The following MAEL variants were observed in gnomAD, a reference collection of about 807,000 sequenced individuals.
The protein encoded by MAEL is protein maelstrom homolog.
In MAEL, 46 loss-of-function variants were observed where a neutral mutation model predicts 62.0. The ratio of observed to expected loss-of-function variants is 0.74; its 90% confidence interval spans 0.59 to 0.95. The LOEUF (loss-of-function observed/expected upper bound fraction) is 0.95. Among genes scored for constraint, MAEL ranks in the 40% least tolerant of loss-of-function variants. The pLI is 0.00. For missense variants in MAEL, 497 were observed against 526.8 expected, an observed-to-expected ratio of 0.94 and a Z score of 0.55; for synonymous variants, 172 against 175.5, an observed-to-expected ratio of 0.98 and a Z score of 0.16.
At chr1:167,004,383 G>A (rs929456988) in intron 6 of MAEL, 79 bp downstream of exon 6, 3 of 1,352,744 alleles carry the variant, frequency 2.2e-6, no homozygotes, top group South Asian at 1.6e-5. Context: ...ATTTTTGCCT[G>A]TGTATTTTTG....
intron 5 of MAEL, among the ~76,000 whole-genome samples, chr1:166,999,440 T>C (rs1361493806): frequency 6.6e-6 from 1 of 152,244 alleles, no homozygotes; most frequent in African/African-American, 2.4e-5. Context: ...CTTAACTCTC[T>C]TCAATTCTGT....
At chr1:167,001,542 G>GC (rs747770111) in intron 5 of MAEL, among the ~76,000 whole-genome samples, 7 of 152,146 alleles carry the variant, frequency 4.6e-5, no homozygotes, top group Non-Finnish European at 8.8e-5. Context: ...TTAAAACAAT[G>GC]CTACTGCACA....
chr1:167,016,716 G>A (rs1473182013), intron 9 of MAEL, among the ~76,000 whole-genome samples: 1 of 152,096 alleles, frequency 6.6e-6, no homozygotes, highest in Admixed American at 6.6e-5. Context: ...CAATAGCCAA[G>A]ATTTGGAAGC....
rs182784586 is a variant in MAEL, at chr1:166,991,508, T to G, written c.325+31T>G. ...GTAATCCTGAAATATTTTGCTGAGATAAATTTGAGTGCCCAAAACACTATA... is the reference window on the plus strand; with the variant it reads ...GTAATCCTGAAATATTTTGCTGAGAGAAATTTGAGTGCCCAAAACACTATA... On this transcript the variant is annotated intron_variant, in intron 3 of 11. Coordinates refer to ENST00000367872, the MANE Select transcript of MAEL (RefSeq NM_032858.3). 7,809 of 1,309,514 alleles carry G rather than the reference T, an allele frequency of 6.0e-3. 33 individuals carry two copies. The highest frequency in any genetic ancestry group is 7.9e-3 in the Non-Finnish European group (7,123 of 903,596). The allele number at this position is 1,309,514 out of a possible 1,614,324, so 81.1% of individuals were successfully genotyped here.
At chr1:167,010,429 C>T (rs1006183150) in intron 8 of MAEL, among the ~76,000 whole-genome samples, 4 of 151,738 alleles carry the variant, frequency 2.6e-5, no homozygotes, top group Non-Finnish European at 2.9e-5. Flanking sequence ...TTTGATTCTC[C>T]TTTTCTGTTT....
At chr1:167,009,086 T>G (rs1238972557) in intron 8 of MAEL, among the ~76,000 whole-genome samples, 2 of 152,160 alleles carry the variant, frequency 1.3e-5, no homozygotes, top group Non-Finnish European at 2.9e-5. Context: ...TACATTTTCT[T>G]TAGGTATATT....
At chr1:167,010,072 C>T (rs567825142) in intron 8 of MAEL, among the ~76,000 whole-genome samples, 138 of 152,148 alleles carry the variant, frequency 9.1e-4, no homozygotes, top group Non-Finnish European at 1.7e-3. Context: ...AAGGGTTGGA[C>T]CAGGTGGAGG....
At chr1:167,011,273 T>A (rs1017754629) in intron 8 of MAEL, among the ~76,000 whole-genome samples, 2 of 152,220 alleles carry the variant, frequency 1.3e-5, no homozygotes, top group Non-Finnish European at 2.9e-5. Flanking sequence ...GTTTTCATTT[T>A]TCTATTTATA....
chr1:166,984,289 A>G (rs1392864708), upstream of MAEL, among the ~76,000 whole-genome samples: 3 of 152,114 alleles, frequency 2.0e-5, no homozygotes, highest in Non-Finnish European at 4.4e-5. Context: ...CATCACCCAC[A>G]TGGACTCCTG....
chr1:167,007,958 A>G (rs931498055), intron 8 of MAEL, among the ~76,000 whole-genome samples: 8 of 151,974 alleles, frequency 5.3e-5, no homozygotes, highest in Admixed American at 6.6e-5. Flanking sequence ...TTAATAGTTA[A>G]GTTCGTTTGC....
In MAEL at chr1:166,992,679, T is replaced by A; in HGVS notation, c.326-7T>A. On this transcript the variant is annotated splice_polypyrimidine_tract_variant and splice_region_variant and intron_variant, in intron 3 of 11. Transcript: ENST00000367872. Reference sequence around the variant, plus strand: ...TTTATTCATTTTATCTTACAATTTTTTTTTAGCTCTCCTTGGAGGCATTTT... The same window carrying A: ...TTTATTCATTTTATCTTACAATTTTATTTTAGCTCTCCTTGGAGGCATTTT... 6.4e-7 allele frequency: 1 copy of A among 1,567,536 alleles called. No homozygotes were observed. The highest frequency in any genetic ancestry group is 8.6e-7 in the Non-Finnish European group (1 of 1,165,360).
At chr1:167,008,140 T>A (rs1199549624) in intron 8 of MAEL, among the ~76,000 whole-genome samples, 1 of 152,142 alleles carries the variant, frequency 6.6e-6, no homozygotes, top group Non-Finnish European at 1.5e-5. Flanking sequence ...ATATTTATAT[T>A]GTTGAGTTGT....
chr1:167,008,022 G>GT (rs1553238178), intron 8 of MAEL, among the ~76,000 whole-genome samples: 1 of 151,366 alleles, frequency 6.6e-6, no homozygotes, highest in Non-Finnish European at 1.5e-5. Flanking sequence ...AAGCATTTCC[G>GT]TTTTGTAAAC....
At chr1:166,996,677 T>A (rs1422023727) in intron 5 of MAEL, among the ~76,000 whole-genome samples, 2 of 152,230 alleles carry the variant, frequency 1.3e-5, no homozygotes, top group Admixed American at 1.3e-4. Context: ...TTCTGAATTT[T>A]GCGTTTGAAT....
At chr1:167,017,268 A>G (rs1665435538) in intron 9 of MAEL, among the ~76,000 whole-genome samples, 1 of 152,128 alleles carries the variant, frequency 6.6e-6, no homozygotes, top group Non-Finnish European at 1.5e-5. Context: ...TGCACCTACT[A>G]TGTACTCATA....
rs189573488 is a variant in MAEL, at chr1:166,998,753, T to C, written c.523+4684T>C. Among the ~76,000 whole-genome samples, 7 of 152,274 alleles carry C rather than the reference T, an allele frequency of 4.6e-5. No homozygotes were observed. In the East Asian group the frequency reaches 1.2e-3, roughly 25 times the overall value. ...TGCATATATTGCATTTTTTTACACA[T>C]TGAGGTTTCTGGCAGCCCTGCATTG... On this transcript the variant is annotated intron_variant, in intron 5 of 11. Coordinates refer to ENST00000367872, the MANE Select transcript of MAEL (RefSeq NM_032858.3).
intron 5 of MAEL, among the ~76,000 whole-genome samples, chr1:167,002,792 T>C (rs183527627): frequency 2.6e-5 from 4 of 152,382 alleles, no homozygotes; most frequent in Non-Finnish European, 2.9e-5. Flanking sequence ...TTTTTAATTA[T>C]AAATTTTTAT....
At chr1:166,978,265 CTGAG>C in intron 1 of MAEL, among the ~76,000 whole-genome samples, 1 of 152,194 alleles carries the variant, frequency 6.6e-6, no homozygotes, top group East Asian at 1.9e-4. Flanking sequence ...CTGAATCTTC[CTGAG>C]TGAGTGGCGC....
upstream of MAEL, among the ~76,000 whole-genome samples, chr1:166,985,899 T>C (rs1458255003): frequency 6.6e-6 from 1 of 152,170 alleles, no homozygotes. Context: ...TTATCATAAT[T>C]ATATTACATG....
Sources: gnomAD v4.1 joint callset for allele counts (sites outside exome capture counted in the v4.1 genomes callset) on GRCh38, gnomAD v4.1.1 for gene constraint, MANE v1.5 for transcripts, NCBI Gene and HGNC (gene_info 2026-07-23, HGNC 2026-07-21) for gene names.